The following KIAA1217 variants were observed in gnomAD, a reference collection of about 807,000 sequenced individuals.
The protein encoded by KIAA1217 is sickle tail protein homolog.
KIAA1217 carries 88 observed loss-of-function variants against 163.9 expected under a neutral mutation model. The ratio of observed to expected loss-of-function variants is 0.54; its 90% CI spans 0.45 to 0.64. The LOEUF is 0.64. KIAA1217 is among the 30% of genes least tolerant of loss of function. KIAA1217 has a pLI of 0.00. For missense variants in KIAA1217, 2,372 were observed against 2,475.0 expected (o/e 0.96, Z 0.88); for synonymous variants, 903 against 923.1 (o/e 0.98, Z 0.39).
At chr10:24,501,655 A>G in intron 9 of KIAA1217, 110 bp downstream of exon 9, 1 of 884,700 alleles carries the variant, frequency 1.1e-6, no homozygotes, top group Non-Finnish European at 1.7e-6. Context: ...TAGAAACAGC[A>G]TGGCTTCCTC....
intron 1 of KIAA1217, among the ~76,000 whole-genome samples, chr10:23,706,206 A>G (rs999958053): frequency 2.0e-5 from 3 of 152,196 alleles, no homozygotes; most frequent in South Asian, 2.1e-4. Flanking sequence ...CTGTGAATAG[A>G]CAGTTTTATT....
intron 1 of KIAA1217, among the ~76,000 whole-genome samples, chr10:23,894,768 G>A (rs1254882689): frequency 6.7e-6 from 1 of 150,196 alleles, no homozygotes; most frequent in East Asian, 1.9e-4. Flanking sequence ...AACCAAAACA[G>A]CATGGTACTG....
rs773032397 is a variant in KIAA1217 at position 24,543,180 on chromosome 10, G to A, written c.3910G>A (p.Gly1304Arg). 87 of 1,613,072 alleles carry A rather than the reference G, an allele frequency of 5.4e-5. No individual in the cohort carries two copies. In the Middle Eastern group the frequency reaches 1.3e-3, roughly 24 times the overall value. Residue 1304 changes from glycine (G) to arginine (R), a missense_variant, in exon 19 of 21, where the codon GGA becomes AGA. By Grantham distance (125) the Gly-to-Arg change is moderately radical. This residue lies in a region of KIAA1217 where 251 missense variants were observed against 327.3 expected (regional missense o/e 0.77). Coordinates refer to ENST00000376454, the MANE Select transcript of KIAA1217 (RefSeq NM_019590.5). The part of the protein sequence containing the change: ...PDTENQTLNY[G>R]KTKEMEKQNT... The stretch of plus-strand genomic sequence containing the variant: ...CACCGAGAACCAGACGCTGAATTAC[G>A]GAAAGACAAAGGAGATGGAAAAGCA...
At chr10:23,824,826 AT>A (rs1837823893) in intron 1 of KIAA1217, among the ~76,000 whole-genome samples, 1 of 151,404 alleles carries the variant, frequency 6.6e-6, no homozygotes, top group Admixed American at 6.6e-5. Flanking sequence ...ATATTCTCTA[AT>A]TTTCCTAAGA....
chr10:24,219,803 C>T lies in KIAA1217; in HGVS notation c.248C>T (p.Thr83Ile). The T allele has an allele frequency of 1.9e-6, 3 of 1,613,982 alleles. No individual in the cohort carries two copies. The highest frequency in any genetic ancestry group is 1.7e-6 in the Non-Finnish European group (2 of 1,179,920). Residue 83 changes from threonine to isoleucine, a missense_variant, in exon 2 of 21, where the codon ACA becomes ATA. Transcript: ENST00000376454. Reference protein sequence around the residue: ...RSSKEILGMQTSEMDRKREAF... With the variant: ...RSSKEILGMQISEMDRKREAF... Reference sequence around the variant, plus strand: ...TCCAAGGAAATACTGGGAATGCAAACATCTGAGATGGATCGGAAGAGAGAA... The same window carrying T: ...TCCAAGGAAATACTGGGAATGCAAATATCTGAGATGGATCGGAAGAGAGAA...
intron 2 of KIAA1217, among the ~76,000 whole-genome samples, chr10:24,079,436 A>G (rs1224818502): frequency 2.0e-5 from 3 of 152,198 alleles, no homozygotes; most frequent in Non-Finnish European, 4.4e-5. Context: ...CTGTCTCTGT[A>G]TAAGCAGAAT....
intron 2 of KIAA1217, among the ~76,000 whole-genome samples, chr10:24,286,656 C>G (rs1161588830): frequency 6.6e-6 from 1 of 152,152 alleles, no homozygotes; most frequent in East Asian, 1.9e-4. Context: ...TCATCCTTTG[C>G]TGATTCTGGC....
chr10:23,920,470 C>T (rs981090508), intron 1 of KIAA1217, among the ~76,000 whole-genome samples: 1 of 152,206 alleles, frequency 6.6e-6, no homozygotes, highest in Admixed American at 6.5e-5. Context: ...ATTCACTGGT[C>T]TCCTTGAGGT....
chr10:24,001,783 T>A lies in KIAA1217; in HGVS notation c.-320-5442T>A, dbSNP rs118149050. ...AATGTCTAAACTCAAACCCTGAGCA[T>A]CTCATCTGGAGGGCACACTCTTAGC... On this transcript the variant is annotated intron_variant, in intron 1 of 18. Transcript: ENST00000376462. Among the ~76,000 whole-genome samples the A allele has an allele frequency of 2.3e-3, 353 of 152,308 alleles. 4 individuals carry two copies. Among genetic ancestry groups the A allele is most frequent in the East Asian group, 0.02 (105 of 5,174 alleles).
chr10:23,802,554 A>G lies in KIAA1217; in HGVS notation c.-321+107320A>G, dbSNP rs565148220. Among the ~76,000 whole-genome samples the G allele has an allele frequency of 4.6e-5, 7 of 152,362 alleles. No individual in the cohort carries two copies. The South Asian group carries it at 1.4e-3, about 32-fold the overall frequency. Reference sequence around the variant, plus strand: ...ATGCATATGAGGGATTAAAGGTTGGAGGACATCTGACACCTATCAGGGTTT... The same window carrying G: ...ATGCATATGAGGGATTAAAGGTTGGGGGACATCTGACACCTATCAGGGTTT... On this transcript the variant is annotated intron_variant, in intron 1 of 18. Coordinates refer to the KIAA1217 transcript ENST00000376462.
chr10:24,025,459 C>T (rs552475041), intron 2 of KIAA1217, among the ~76,000 whole-genome samples: 40 of 151,698 alleles, frequency 2.6e-4, no homozygotes, highest in African/African-American at 9.4e-4. Context: ...CTTCCACTTT[C>T]GTTCTTTCTT....
intron 2 of KIAA1217, among the ~76,000 whole-genome samples, chr10:24,358,636 G>A (rs2049450357): frequency 1.3e-5 from 2 of 152,222 alleles, no homozygotes; most frequent in South Asian, 2.1e-4. Context: ...GAAGATCAAT[G>A]ACTGTGCTGT....
chr10:24,241,502 A>T (rs2073093839), intron 2 of KIAA1217, among the ~76,000 whole-genome samples: 3 of 152,192 alleles, frequency 2.0e-5, no homozygotes, highest in Admixed American at 2.0e-4. Context: ...TTTAAATTCT[A>T]CCTGCCTGAA....
chr10:24,172,883 A>C (rs529668717), intron 2 of KIAA1217, among the ~76,000 whole-genome samples: 1 of 152,318 alleles, frequency 6.6e-6, no homozygotes, highest in East Asian at 1.9e-4. Flanking sequence ...TCCTAAGTGA[A>C]CTGTGGACTG....
intron 2 of KIAA1217, among the ~76,000 whole-genome samples, chr10:24,334,392 TGAAG>T (rs1300412609): frequency 8.8e-6 from 1 of 113,236 alleles, no homozygotes; most frequent in African/African-American, 3.5e-5. Context: ...GAAAAAAAGA[TGAAG>T]GAAGGAAGGA....
intron 1 of KIAA1217, among the ~76,000 whole-genome samples, chr10:24,215,362 A>T (rs1416842707): frequency 2.6e-5 from 4 of 152,174 alleles, no homozygotes; most frequent in African/African-American, 9.7e-5. Context: ...CTACAGCTTC[A>T]TTATTTTGTT....
At chr10:24,269,101 C>A (rs2076526948) in intron 2 of KIAA1217, among the ~76,000 whole-genome samples, 1 of 144,086 alleles carries the variant, frequency 6.9e-6, no homozygotes. Context: ...GGAGATATAC[C>A]TAATGCTAGA....
At chr10:24,461,228 T>G (rs2062367537) in intron 5 of KIAA1217, among the ~76,000 whole-genome samples, 1 of 150,640 alleles carries the variant, frequency 6.6e-6, no homozygotes, top group Non-Finnish European at 1.5e-5. Context: ...TATATACATT[T>G]TAATTTTCAT....
chr10:23,901,198 G>A (rs1841940494), intron 1 of KIAA1217, among the ~76,000 whole-genome samples: 1 of 152,060 alleles, frequency 6.6e-6, no homozygotes, highest in Non-Finnish European at 1.5e-5. Context: ...TTTAGCTGGG[G>A]AAATTTAGGT....
Sources: allele counts gnomAD v4.1 joint callset (sites outside exome capture counted in the v4.1 genomes callset), GRCh38; gene constraint gnomAD v4.1.1; regional missense constraint gnomAD v4.1.1; transcripts MANE v1.5; gene names NCBI Gene and HGNC (gene_info 2026-07-23, HGNC 2026-07-21).